Variants in MRAP2 observed in about 807,000 individuals in gnomAD.
MRAP2 encodes the protein melanocortin-2 receptor accessory protein 2.
Under a neutral mutation model 17.4 loss-of-function variants are expected in MRAP2, and 20 were observed. That is an observed-to-expected ratio of 1.15 (90% CI 0.81 to 1.67). The LOEUF is 1.67. MRAP2 is among the 40% of genes most tolerant of loss of function. MRAP2 has a pLI of 0.00. For missense variants in MRAP2, 238 were observed against 240.0 expected (o/e 0.99, Z 0.05); for synonymous variants, 96 against 88.4 (o/e 1.09, Z -0.48).
At chr6:84,038,085 C>A (rs1184501202) in intron 1 of MRAP2, among the ~76,000 whole-genome samples, 1 of 152,308 alleles carries the variant, frequency 6.6e-6, no homozygotes. Flanking sequence ...ACTCACCTTC[C>A]CAGAGTTTGT....
the MRAP2 span, among the ~76,000 whole-genome samples, chr6:84,115,050 G>A: frequency 6.6e-6 from 1 of 152,174 alleles, no homozygotes; most frequent in South Asian, 2.1e-4. Context: ...GATAAACGGG[G>A]GTCAGGGGCC....
At chr6:84,095,107 T>C (rs1158230780), downstream of MRAP2, among the ~76,000 whole-genome samples, 1 of 152,218 alleles carries the variant, frequency 6.6e-6, no homozygotes. Flanking sequence ...AAGCAAGGGC[T>C]CAAGGAGATG....
chr6:84,078,165 T>G (rs1048419589), intron 3 of MRAP2, among the ~76,000 whole-genome samples: 1 of 152,130 alleles, frequency 6.6e-6, no homozygotes, highest in Non-Finnish European at 1.5e-5. Context: ...AAACCCCTGC[T>G]CATCAAAAGA....
the MRAP2 span, among the ~76,000 whole-genome samples, chr6:84,100,085 C>T: frequency 1.3e-5 from 2 of 152,162 alleles, no homozygotes; most frequent in Non-Finnish European, 2.9e-5. Context: ...ATCTCGAACT[C>T]CTGGCCCCAA....
At position 84,063,368 on chromosome 6, in the gene MRAP2, G is replaced by A. The variant is rs2099493677; in HGVS notation, c.227+376G>A. ...AGTGGAAAAGACAATGGCAAAATAGGATGAAAACCAGTTTTAAAAATTATT... is the reference window on the plus strand; with the variant it reads ...AGTGGAAAAGACAATGGCAAAATAGAATGAAAACCAGTTTTAAAAATTATT... On this transcript the variant is annotated intron_variant, in intron 3 of 3. Coordinates refer to ENST00000257776, the MANE Select transcript of MRAP2 (RefSeq NM_138409.4). 4 of 985,262 alleles carry A rather than the reference G, an allele frequency of 4.1e-6. No homozygotes were observed. In the African/African-American group the frequency reaches 5.2e-5, roughly 13 times the overall value. 61.0% of individuals were successfully genotyped at this position (985,262 alleles called of 1,614,324 possible).
In MRAP2 at chr6:84,087,080, A is replaced by G. The variant is rs144746758; in HGVS notation, c.228-2011A>G. 6.7e-3 allele frequency among the ~76,000 whole-genome samples: 1,017 copies of G among 152,298 alleles called. 14 individuals carry two copies. Among genetic ancestry groups the G allele is most frequent in the African/African-American group, 0.022 (916 of 41,564 alleles). ...GAGAGAGGTCTCAGTTAATTTAGAA[A>G]GTTTATTTTGCCAGGGTTGAGGACA... On this transcript the variant is annotated intron_variant, in intron 3 of 3. Transcript: ENST00000257776.
intron 3 of MRAP2, among the ~76,000 whole-genome samples, chr6:84,065,489 G>A (rs906850651): frequency 1.3e-5 from 2 of 152,136 alleles, no homozygotes; most frequent in Non-Finnish European, 2.9e-5. Flanking sequence ...AAAATATGGT[G>A]TGGGTTACAA....
chr6:84,139,501 G>T, the MRAP2 span, among the ~76,000 whole-genome samples: 11 of 152,056 alleles, frequency 7.2e-5, no homozygotes, highest in Non-Finnish European at 1.0e-4. Flanking sequence ...CACATGGGTT[G>T]AGAAAAAAAA....
chr6:84,099,049 A>G, the MRAP2 span, among the ~76,000 whole-genome samples: 1 of 151,766 alleles, frequency 6.6e-6, no homozygotes, highest in African/African-American at 2.4e-5. Flanking sequence ...GTATAATCCT[A>G]TGCTTTTTTT....
chr6:84,104,740 C>T, the MRAP2 span, among the ~76,000 whole-genome samples: 2 of 152,006 alleles, frequency 1.3e-5, no homozygotes, highest in African/African-American at 2.4e-5. Flanking sequence ...TGGTGGTGGG[C>T]GTCTGTAGTC....
chr6:84,069,145 G>C (rs962767052), intron 3 of MRAP2, among the ~76,000 whole-genome samples: 3 of 151,908 alleles, frequency 2.0e-5, no homozygotes, highest in Non-Finnish European at 2.9e-5. Context: ...TGTTGAAGAG[G>C]AGTGGTGGGA....
chr6:84,084,716 C>A (rs1439738663), intron 3 of MRAP2, among the ~76,000 whole-genome samples: 1 of 152,056 alleles, frequency 6.6e-6, no homozygotes, highest in Non-Finnish European at 1.5e-5. Flanking sequence ...GTTTCTATTT[C>A]ATCTCTAAGA....
At chr6:84,142,762 C>T in the MRAP2 span, among the ~76,000 whole-genome samples, 1 of 152,230 alleles carries the variant, frequency 6.6e-6, no homozygotes. Context: ...AGGAGTTCAT[C>T]CCCAAATCAA....
At chr6:84,093,994 C>A (rs1046187448), downstream of MRAP2, among the ~76,000 whole-genome samples, 9 of 152,114 alleles carry the variant, frequency 5.9e-5, no homozygotes, top group African/African-American at 1.7e-4. Context: ...AACGAACCAG[C>A]CTGGCTGTCT....
chr6:84,071,984 T>C lies in MRAP2; in HGVS notation c.227+8992T>C, dbSNP rs9362027. 2.0e-5 allele frequency among the ~76,000 whole-genome samples: 3 copies of C among 152,336 alleles called. No individual in the cohort carries two copies. The East Asian group carries it at 5.8e-4, about 29-fold the overall frequency. On this transcript the variant is annotated intron_variant, in intron 3 of 3. Coordinates refer to ENST00000257776, the MANE Select transcript of MRAP2 (RefSeq NM_138409.4). Reference sequence around the variant, plus strand: ...AATATTTCTCTCTTTACTTCTTGTATAGTTTTTTAGACTTCTAGTGTTGGG... The same window carrying C: ...AATATTTCTCTCTTTACTTCTTGTACAGTTTTTTAGACTTCTAGTGTTGGG...
At chr6:84,036,568 G>C (rs769021489) in intron 1 of MRAP2, among the ~76,000 whole-genome samples, 23 of 152,272 alleles carry the variant, frequency 1.5e-4, no homozygotes, top group Non-Finnish European at 2.8e-4. Context: ...TTCACGGTGA[G>C]TGTTACAGCT....
At chr6:84,081,862 G>T (rs2099499096) in intron 3 of MRAP2, among the ~76,000 whole-genome samples, 1 of 152,134 alleles carries the variant, frequency 6.6e-6, no homozygotes, top group African/African-American at 2.4e-5. Flanking sequence ...AAAAGTATGT[G>T]GTGGGTTCCC....
At chr6:84,062,160 A>C (rs745854420) in intron 2 of MRAP2, 5 of 950,424 alleles carry the variant, frequency 5.3e-6, no homozygotes, top group Non-Finnish European at 6.3e-6. Context: ...TTATTTGCAT[A>C]CTTGCATTCT....
intron 3 of MRAP2, among the ~76,000 whole-genome samples, chr6:84,075,222 C>T (rs1377494405): frequency 6.6e-6 from 1 of 152,118 alleles, no homozygotes; most frequent in Non-Finnish European, 1.5e-5. Flanking sequence ...CCCTTCCTCC[C>T]ACAGCTCATT....
Sources: allele counts gnomAD v4.1 joint callset (sites outside exome capture counted in the v4.1 genomes callset), GRCh38; gene constraint gnomAD v4.1.1; transcripts MANE v1.5; gene names NCBI Gene and HGNC (gene_info 2026-07-23, HGNC 2026-07-21).